MYT1: variants seen among roughly 807,000 people sequenced by gnomAD.
MYT1 encodes the protein myelin transcription factor I.
MYT1 carries 23 observed loss-of-function variants against 123.0 expected under a neutral mutation model. The ratio of observed to expected loss-of-function variants is 0.19; its 90% CI spans 0.13 to 0.26. MYT1 has a LOEUF of 0.26. Among genes scored for constraint, MYT1 ranks in the 10% least tolerant of loss-of-function variants. The pLI, the probability that MYT1 is intolerant of heterozygous loss-of-function variation, is 1.00. For missense variants in MYT1, 1,125 were observed against 1,472.5 expected (o/e 0.76, Z 3.86); for synonymous variants, 518 against 575.3 (o/e 0.90, Z 1.43).
At chr20:64,182,344 G>A (rs895593582) in intron 1 of MYT1, among the ~76,000 whole-genome samples, 13 of 152,368 alleles carry the variant, frequency 8.5e-5, no homozygotes, top group Non-Finnish European at 1.8e-4. Flanking sequence ...CAATACGCAC[G>A]CACAGGCAGA....
At position 64,206,401 on chromosome 20, in the gene MYT1, T is replaced by A. The variant is rs1983489667; in HGVS notation, c.397+601T>A. ...CTTGTGGGGTCTACCAGGACTGCCATGTTGGAGCTCCTAGCCCTTGGCAAA... is the reference window on the plus strand; with the variant it reads ...CTTGTGGGGTCTACCAGGACTGCCAAGTTGGAGCTCCTAGCCCTTGGCAAA... On this transcript the variant is annotated intron_variant, in intron 6 of 22. Coordinates refer to ENST00000328439, the MANE Select transcript of MYT1 (RefSeq NM_004535.3). Among the ~76,000 whole-genome samples the A allele has an allele frequency of 1.3e-5, 2 of 152,138 alleles. 1 individual carries two copies. Among genetic ancestry groups the A allele is most frequent in the South Asian group, 4.1e-4 (2 of 4,824 alleles).
chr20:64,182,549 A>G (rs1381611731), intron 1 of MYT1, among the ~76,000 whole-genome samples: 1 of 152,186 alleles, frequency 6.6e-6, no homozygotes, highest in Non-Finnish European at 1.5e-5. Context: ...TTGAATGAGT[A>G]CAGCTCTAAC....
intron 2 of MYT1, among the ~76,000 whole-genome samples, chr20:64,195,676 G>A (rs934390268): frequency 7.2e-5 from 11 of 152,210 alleles, no homozygotes; most frequent in African/African-American, 1.7e-4. Flanking sequence ...GATTACAGAC[G>A]TGAGCCACCG....
intron 1 of MYT1, among the ~76,000 whole-genome samples, chr20:64,170,159 A>G (rs1216633848): frequency 1.3e-5 from 2 of 151,402 alleles, no homozygotes; most frequent in African/African-American, 4.9e-5. Context: ...ATGCCTCCCT[A>G]TCTCCCTTCA....
chr20:64,199,082 T>C (rs1983213331), intron 3 of MYT1, among the ~76,000 whole-genome samples, 166 bp downstream of exon 3: 1 of 152,214 alleles, frequency 6.6e-6, no homozygotes, highest in African/African-American at 2.4e-5. Context: ...AGCTGGCATC[T>C]AAGAGGGCTG....
chr20:64,195,040 C>A (rs550262946), intron 2 of MYT1, among the ~76,000 whole-genome samples: 1 of 152,000 alleles, frequency 6.6e-6, no homozygotes, highest in Non-Finnish European at 1.5e-5. Flanking sequence ...GGACTACAGG[C>A]GGCCGCCACC....
rs528130436 is a variant in MYT1, at chr20:64,185,682, C to T, written c.-98-4381C>T. On this transcript the variant is annotated intron_variant, in intron 1 of 22. Transcript: ENST00000328439. This position sits in a 1 kb window ranked among gnomAD's most constrained non-coding sequence, Gnocchi z 4.5. ...AGGTGGGCTCAGGCCAGATTCCAGG[C>T]TACCGAGCCAGCATGAAAACAGCCA... Among the ~76,000 whole-genome samples, 1 of 152,308 alleles carries T rather than the reference C, an allele frequency of 6.6e-6. No homozygotes were observed. The highest frequency in any genetic ancestry group is 1.5e-5 in the Non-Finnish European group (1 of 68,012).
At chr20:64,226,331 C>T (rs1984168387) in intron 16 of MYT1, among the ~76,000 whole-genome samples, 2 of 152,262 alleles carry the variant, frequency 1.3e-5, no homozygotes, top group Non-Finnish European at 2.9e-5. Context: ...GGGTGCCAGG[C>T]TGTGCCCGGC....
rs1336657595 is a variant in MYT1, at chr20:64,191,522, C to T, written c.-1+1362C>T. 1 of 152,262 alleles carries T rather than the reference C, an allele frequency of 6.6e-6. No individual in the cohort carries two copies. Among genetic ancestry groups the T allele is most frequent in the Non-Finnish European group, 1.5e-5 (1 of 68,054 alleles). 9.4% of individuals were successfully genotyped at this position (152,262 alleles called of 1,614,324 possible). A position where few individuals can be genotyped will look rare whatever the true frequency, so the allele number is the denominator to read the frequency against. On this transcript the variant is annotated intron_variant, in intron 2 of 22. Transcript: ENST00000328439. The surrounding 1 kb of genome is among the most constrained non-coding windows in gnomAD (Gnocchi z 4.1). ...GCAAGGATCCAGCTGTGACTCAGGG[C>T]ATGGCTCAAGGACAGTGATGGCGTA... is the stretch of plus-strand genomic sequence containing the variant.
rs1425732544 is a variant in MYT1, at chr20:64,218,093, G to A, written c.1846+812G>A. Among the ~76,000 whole-genome samples, 3 of 152,200 alleles carry A rather than the reference G, an allele frequency of 2.0e-5. No individual in the cohort carries two copies. The highest frequency in any genetic ancestry group is 4.8e-5 in the African/African-American group (2 of 41,446). ...GTACTGATTGATGCGGCTGCCAGTG[G>A]GGTGTGAGCCTCTCTTCCTAACTTT... On this transcript the variant is annotated intron_variant, in intron 11 of 22. Coordinates refer to ENST00000328439, the MANE Select transcript of MYT1 (RefSeq NM_004535.3). The surrounding 1 kb of genome is among the most constrained non-coding windows in gnomAD (Gnocchi z 4.0).
rs911550720 is a variant in MYT1 at position 64,200,048 on chromosome 20, T to C, written c.86+126T>C. The stretch of plus-strand genomic sequence containing the variant: ...ACCCCTGGTGAGCCCCTGCTTTCCC[T>C]AAGGAGACTGCCTTTCTCCTGGCCA... On this transcript the variant is annotated intron_variant, in intron 4 of 22. Coordinates refer to ENST00000328439, the MANE Select transcript of MYT1 (RefSeq NM_004535.3). 3 of 1,127,252 alleles carry C rather than the reference T, an allele frequency of 2.7e-6. No homozygotes were observed. The Admixed American group carries it at 5.3e-5, about 20-fold the overall frequency. The allele number at this position is 1,127,252 out of a possible 1,614,324, so 69.8% of individuals were successfully genotyped here. A position where few individuals can be genotyped will look rare whatever the true frequency, so the allele number is the denominator to read the frequency against.
At chr20:64,198,531 C>T (rs1167679555) in intron 2 of MYT1, among the ~76,000 whole-genome samples, 1 of 152,156 alleles carries the variant, frequency 6.6e-6, no homozygotes, top group Non-Finnish European at 1.5e-5. Context: ...GGACATTCAT[C>T]AGGCTTCAGT....
In MYT1 at chr20:64,196,331, C is replaced by T. The variant is rs577142192; in HGVS notation, c.1-2531C>T. ...CTGGGTGGTGCTGGGCACAGGGCCG[C>T]CCCCAGCACCCGCTCTCCATCTACC... On this transcript the variant is annotated intron_variant, in intron 2 of 22. Transcript: ENST00000328439. This position sits in a 1 kb window ranked among gnomAD's most constrained non-coding sequence, Gnocchi z 4.3. Among the ~76,000 whole-genome samples the T allele has an allele frequency of 3.9e-5, 6 of 152,210 alleles. No individual in the cohort carries two copies. The highest frequency in any genetic ancestry group is 1.2e-4 in the African/African-American group (5 of 41,448).
At position 64,197,927 on chromosome 20, in the gene MYT1, T is replaced by C. The variant is rs571082634; in HGVS notation, c.1-935T>C. Among the ~76,000 whole-genome samples, 198 of 152,222 alleles carry C rather than the reference T, an allele frequency of 1.3e-3. 1 individual carries two copies. Among genetic ancestry groups the C allele is most frequent in the African/African-American group, 4.3e-3 (177 of 41,552 alleles). On this transcript the variant is annotated intron_variant, in intron 2 of 22. Transcript: ENST00000328439. ...AGGCCCTCGAGGCCTGGAGAACATA[T>C]GGGCTGGGGCCGCTCCAGGTTGCCT...
chr20:64,234,208 T>G (rs541719206), intron 19 of MYT1, among the ~76,000 whole-genome samples: 37 of 152,232 alleles, frequency 2.4e-4, no homozygotes, highest in Non-Finnish European at 4.9e-4. Context: ...AATGCATTTT[T>G]CTGCTTGAGT....
chr20:64,188,928 T>C (rs1175592208), intron 1 of MYT1, among the ~76,000 whole-genome samples: 1 of 152,136 alleles, frequency 6.6e-6, no homozygotes, highest in Admixed American at 6.5e-5. Context: ...ATCTGAGTGG[T>C]TTTATTCGTT....
rs773939333 is a variant in MYT1, at chr20:64,219,911, C to A, written c.2170C>A (p.Arg724Ser). Residue 724 changes from arginine (R) to serine (S), a missense_variant, in exon 13 of 23, where the codon CGC (arginine) becomes AGC (serine). By Grantham distance (110) the Arg-to-Ser change is moderately radical. Transcript: ENST00000328439. ...CTCTCCCCAGTCCAGCCAGGCCTCC[C>A]GCCAGGACGAGTGGGACCGGCCCCT... ...MTSPQSSQAS[R>S]QDEWDRPLDY... 6 of 1,565,606 alleles carry A rather than the reference C, an allele frequency of 3.8e-6. No individual in the cohort carries two copies. The highest frequency in any genetic ancestry group is 5.2e-6 in the Non-Finnish European group (6 of 1,155,310).
rs373606335 is a variant in MYT1, at chr20:64,217,227, C to T, written c.1792C>T (p.Arg598Cys). ...ASFDAQVFGK[R>C]MLAPKIQTSE... is the part of the protein sequence containing the mutation. ...TTTCGATGCTCAGGTTTTTGGCAAACGCATGCTTGCCCCAAAGATTCAGAC... is the reference window on the plus strand; with the variant it reads ...TTTCGATGCTCAGGTTTTTGGCAAATGCATGCTTGCCCCAAAGATTCAGAC... The change falls in exon 11 of 23, where the codon CGC (arginine) becomes TGC (cysteine). Residue 598 changes from arginine (R) to cysteine (C), a missense_variant. Arg to Cys is a radical substitution (Grantham distance 180, BLOSUM62 -3). Coordinates refer to ENST00000328439, the MANE Select transcript of MYT1 (RefSeq NM_004535.3). 8 of 1,614,136 alleles carry T rather than the reference C, an allele frequency of 5.0e-6. No individual in the cohort carries two copies. Among genetic ancestry groups the T allele is most frequent in the Admixed American group, 1.7e-5 (1 of 60,016 alleles).
At position 64,193,633 on chromosome 20, in the gene MYT1, T is replaced by A. The variant is rs1983025751; in HGVS notation, c.-1+3473T>A. On this transcript the variant is annotated intron_variant, in intron 2 of 22. Transcript: ENST00000328439. This position sits in a 1 kb window ranked among gnomAD's most constrained non-coding sequence, Gnocchi z 4.0. ...GAGGTACTGCTGGAGCCAGGCAGGGTAGGGGACAGCCAGTTTCTGGCCACC... is the reference window on the plus strand; with the variant it reads ...GAGGTACTGCTGGAGCCAGGCAGGGAAGGGGACAGCCAGTTTCTGGCCACC... 6.6e-6 allele frequency among the ~76,000 whole-genome samples: 1 copy of A among 151,888 alleles called. No individual in the cohort carries two copies. The highest frequency in any genetic ancestry group is 1.5e-5 in the Non-Finnish European group (1 of 67,956).
Sources: allele counts gnomAD v4.1 joint callset (sites outside exome capture counted in the v4.1 genomes callset), GRCh38; gene constraint gnomAD v4.1.1; non-coding constraint Gnocchi (gnomAD v3.1); transcripts MANE v1.5; gene names NCBI Gene and HGNC (gene_info 2026-07-23, HGNC 2026-07-21).